Variants in CAMKMT observed in about 807,000 individuals in gnomAD.
CAMKMT encodes the protein CaM KMT.
In CAMKMT, 53 loss-of-function variants were observed where a neutral mutation model predicts 48.0. The ratio of observed to expected loss-of-function variants is 1.10; its 90% CI spans 0.89 to 1.39. The LOEUF (loss-of-function observed/expected upper bound fraction) is 1.39, where lower values mean the gene tolerates loss of function less well. Ranked by LOEUF, CAMKMT falls within the 40% of genes most tolerant of loss-of-function variation. The pLI is 0.00. For missense variants in CAMKMT, 428 were observed against 402.7 expected (o/e 1.06, Z -0.54); for synonymous variants, 165 against 152.3 (o/e 1.08, Z -0.61).
chr2:44,451,889 C>G (rs1449876779), intron 3 of CAMKMT, among the ~76,000 whole-genome samples: 1 of 151,330 alleles, frequency 6.6e-6, no homozygotes, highest in African/African-American at 2.4e-5. Context: ...ATTGTAATAG[C>G]CAATAGCCAA....
chr2:44,439,455 C>G (rs1666498365), intron 3 of CAMKMT, among the ~76,000 whole-genome samples: 1 of 152,152 alleles, frequency 6.6e-6, no homozygotes, highest in African/African-American at 2.4e-5. Flanking sequence ...CCCACCTCCT[C>G]TTTTGATTCC....
chr2:44,518,735 T>G (rs1304589015), intron 3 of CAMKMT, among the ~76,000 whole-genome samples: 1 of 152,174 alleles, frequency 6.6e-6, no homozygotes, highest in Non-Finnish European at 1.5e-5. Flanking sequence ...CTTAACTACC[T>G]GATGATGATG....
intron 3 of CAMKMT, among the ~76,000 whole-genome samples, chr2:44,417,083 A>G (rs1476159271): frequency 1.3e-5 from 2 of 152,010 alleles, no homozygotes; most frequent in Non-Finnish European, 2.9e-5. Context: ...ACAGACATGT[A>G]TCATCATGCC....
chr2:44,537,432 A>G (rs1462007146), intron 3 of CAMKMT, among the ~76,000 whole-genome samples: 2 of 152,236 alleles, frequency 1.3e-5, no homozygotes, highest in African/African-American at 4.8e-5. Flanking sequence ...TCACATGACT[A>G]ATCATCAGGG....
chr2:44,497,881 C>T (rs1189258698), intron 3 of CAMKMT, among the ~76,000 whole-genome samples: 1 of 152,028 alleles, frequency 6.6e-6, no homozygotes, highest in Non-Finnish European at 1.5e-5. Context: ...GTCTTCTTAC[C>T]AGAAGAGAAA....
intron 10 of CAMKMT, among the ~76,000 whole-genome samples, chr2:44,768,361 A>ATATATATATATATTTTTTTTT (rs35058824): frequency 8.6e-6 from 1 of 115,744 alleles, no homozygotes; most frequent in African/African-American, 3.7e-5. Context: ...ATATATATAT[A>ATATATATATATATTTTTTTTT]TTTTTTTTTT....
intron 3 of CAMKMT, among the ~76,000 whole-genome samples, chr2:44,546,620 A>C (rs1014405896): frequency 9.9e-5 from 15 of 152,188 alleles, no homozygotes; most frequent in African/African-American, 3.6e-4. Flanking sequence ...TGAGCTGGGG[A>C]GTCATTTCAC....
intron 9 of CAMKMT, among the ~76,000 whole-genome samples, chr2:44,759,838 A>G (rs536812503): frequency 7.9e-5 from 12 of 152,348 alleles, no homozygotes; most frequent in East Asian, 1.9e-4. Flanking sequence ...CTCTGCCCCC[A>G]AAGACGTTGC....
At chr2:44,753,597 A>C (rs1238875964) in intron 8 of CAMKMT, among the ~76,000 whole-genome samples, 4 of 152,160 alleles carry the variant, frequency 2.6e-5, no homozygotes, top group African/African-American at 9.7e-5. Flanking sequence ...CTAGTCACTA[A>C]ACTCTATTAC....
chr2:44,534,634 A>G (rs1040409033), intron 3 of CAMKMT, among the ~76,000 whole-genome samples: 6 of 152,192 alleles, frequency 3.9e-5, no homozygotes, highest in African/African-American at 1.4e-4. Flanking sequence ...CTGAATGACC[A>G]TTGACTAAAT....
At chr2:44,443,696 A>G (rs565439224) in intron 3 of CAMKMT, among the ~76,000 whole-genome samples, 3 of 152,334 alleles carry the variant, frequency 2.0e-5, no homozygotes, top group South Asian at 2.1e-4. Context: ...ACATTGAACA[A>G]TAGAGCTTGA....
chr2:44,706,171 C>A, intron 4 of CAMKMT, 116 bp from the exon 5 acceptor site: 2 of 952,710 alleles, frequency 2.1e-6, no homozygotes, highest in Non-Finnish European at 3.3e-6. Context: ...GTCTCTACAA[C>A]TTCCTGGTAG....
chr2:44,394,015 C>T (rs1381464639), intron 3 of CAMKMT, among the ~76,000 whole-genome samples: 1 of 152,154 alleles, frequency 6.6e-6, no homozygotes, highest in African/African-American at 2.4e-5. Context: ...TATAACATCT[C>T]ATCTTATGCT....
intron 3 of CAMKMT, among the ~76,000 whole-genome samples, chr2:44,684,232 A>G (rs1573070828): frequency 6.6e-6 from 1 of 152,216 alleles, no homozygotes; most frequent in African/African-American, 2.4e-5. Flanking sequence ...TCCGTTCTCA[A>G]CAACTCAGCC....
intron 7 of CAMKMT, among the ~76,000 whole-genome samples, chr2:44,739,832 G>A (rs190909147): frequency 2.6e-5 from 4 of 152,326 alleles, no homozygotes; most frequent in African/African-American, 7.2e-5. Context: ...TAACTGTCAG[G>A]AGAGGATATT....
chr2:44,441,726 C>A (rs1173413551), intron 3 of CAMKMT, among the ~76,000 whole-genome samples: 1 of 152,074 alleles, frequency 6.6e-6, no homozygotes, highest in East Asian at 1.9e-4. Flanking sequence ...TATGTATTCT[C>A]CTTATATAAC....
At chr2:44,422,307 C>A (rs1380039538) in intron 3 of CAMKMT, among the ~76,000 whole-genome samples, 2 of 152,204 alleles carry the variant, frequency 1.3e-5, no homozygotes, top group Admixed American at 1.3e-4. Context: ...AACTTCTTTT[C>A]TTTATAAATT....
chr2:44,681,698 T>C (rs1676029174), intron 3 of CAMKMT, among the ~76,000 whole-genome samples: 1 of 152,230 alleles, frequency 6.6e-6, no homozygotes, highest in Non-Finnish European at 1.5e-5. Flanking sequence ...TGTTGTAAAC[T>C]AAGATGATCA....
intron 3 of CAMKMT, among the ~76,000 whole-genome samples, chr2:44,477,544 A>G (rs1318542154): frequency 6.6e-6 from 1 of 152,230 alleles, no homozygotes; most frequent in African/African-American, 2.4e-5. Context: ...GGTAGCTGGA[A>G]AAAATTATAA....
Sources: allele counts gnomAD v4.1 joint callset (sites outside exome capture counted in the v4.1 genomes callset), GRCh38; gene constraint gnomAD v4.1.1; transcripts MANE v1.5; gene names NCBI Gene and HGNC (gene_info 2026-07-23, HGNC 2026-07-21).